Variants in NOPCHAP1 observed in about 807,000 individuals in gnomAD.
NOPCHAP1 encodes the protein DNA damage-sensitive RNA 1.
In NOPCHAP1, 13 loss-of-function variants were observed where a neutral mutation model predicts 14.0. The observed-to-expected ratio is 0.93, with a 90% CI of 0.60 to 1.47. The LOEUF is 1.47. Ranked by LOEUF, NOPCHAP1 falls within the 40% of genes most tolerant of loss-of-function variation. The pLI is 0.00. For missense variants in NOPCHAP1, 230 were observed against 226.9 expected (o/e 1.01, Z -0.09); for synonymous variants, 78 against 78.4 (o/e 1.00, Z 0.03).
intron 2 of NOPCHAP1, among the ~76,000 whole-genome samples, chr12:104,990,001 A>T (rs1873337162): frequency 6.6e-6 from 1 of 152,150 alleles, no homozygotes. Context: ...CCTTGAACAT[A>T]CAAAGTATAT....
rs946162275 is a variant in NOPCHAP1, at chr12:104,988,028, G to C, written c.116-139G>C. On this transcript the variant is annotated intron_variant, in intron 1 of 3. Transcript: ENST00000552951. ...AATTAAAATGTTGTAATGGAGCTTG[G>C]AGTTCTCCTTTAAAAAAAAAATTTT... 7.3e-6 allele frequency: 4 copies of C among 551,066 alleles called. No individual in the cohort carries two copies. In the African/African-American group the frequency reaches 7.5e-5, roughly 10 times the overall value. 34.1% of individuals were successfully genotyped at this position (551,066 alleles called of 1,614,324 possible).
In NOPCHAP1 at chr12:104,989,578, C is replaced by T. The variant is rs756098061; in HGVS notation, c.202+1325C>T. 4.6e-5 allele frequency among the ~76,000 whole-genome samples: 7 copies of T among 151,968 alleles called. 1 individual carries two copies. The highest frequency in any genetic ancestry group is 8.8e-5 in the Non-Finnish European group (6 of 67,990). On this transcript the variant is annotated intron_variant, in intron 2 of 3. Transcript: ENST00000552951. ...GATTCCCTTCATTACTGGTTTTTAC[C>T]GATTTTATGGTGATGTGCCCTTTGT...
rs1873654077 is a variant in NOPCHAP1 at position 105,003,655 on chromosome 12, A to C, written c.*8959A>C. The C allele has an allele frequency of 6.6e-6, 1 of 152,198 alleles. No homozygotes were observed. Among genetic ancestry groups the C allele is most frequent in the African/African-American group, 2.4e-5 (1 of 41,466 alleles). 9.4% of individuals were successfully genotyped at this position (152,198 alleles called of 1,614,324 possible). A position where few individuals can be genotyped will look rare whatever the true frequency, so the allele number is the denominator to read the frequency against. Reference sequence around the variant, plus strand: ...CGCCACTTCTGACACCAAAAACTTAATTGTTAAAACCTCTAGACAAATTAA... The same window carrying C: ...CGCCACTTCTGACACCAAAAACTTACTTGTTAAAACCTCTAGACAAATTAA... On this transcript the variant is annotated 3_prime_UTR_variant, in exon 4 of 4. Transcript: ENST00000552951.
At position 104,999,227 on chromosome 12, in the gene NOPCHAP1, G is replaced by A. The variant is rs775685576; in HGVS notation, c.*4531G>A. 5 of 152,486 alleles carry A rather than the reference G, an allele frequency of 3.3e-5. No individual in the cohort carries two copies. The highest frequency in any genetic ancestry group is 6.5e-5 in the Admixed American group (1 of 15,286). 9.4% of individuals were successfully genotyped at this position (152,486 alleles called of 1,614,324 possible). A position where few individuals can be genotyped will look rare whatever the true frequency, so the allele number is the denominator to read the frequency against. On this transcript the variant is annotated 3_prime_UTR_variant, in exon 4 of 4. Transcript: ENST00000552951. ...TACACAGGTGCTGGCAAAGTGATTCGGGGGTTGGCTGCATGCCAGCGTCTG... is the reference window on the plus strand; with the variant it reads ...TACACAGGTGCTGGCAAAGTGATTCAGGGGTTGGCTGCATGCCAGCGTCTG...
rs1035193979 is a variant in NOPCHAP1 at position 105,004,809 on chromosome 12, C to T, written c.*10113C>T. 6.6e-6 allele frequency: 1 copy of T among 152,076 alleles called. No individual in the cohort carries two copies. The highest frequency in any genetic ancestry group is 6.6e-5 in the Admixed American group (1 of 15,262). The allele number at this position is 152,076 out of a possible 1,614,324, so 9.4% of individuals were successfully genotyped here. On this transcript the variant is annotated 3_prime_UTR_variant, in exon 4 of 4. Coordinates refer to ENST00000552951, the MANE Select transcript of NOPCHAP1 (RefSeq NM_152318.3). ...AAAAATCTATGTATAACTTTTGACT[C>T]CCTGAAAACTTAACTACTAATAGCC... is the stretch of plus-strand genomic sequence containing the variant.
chr12:104,991,705 T>C lies in NOPCHAP1; in HGVS notation c.203-7T>C. 6.3e-7 allele frequency: 1 copy of C among 1,590,360 alleles called. No individual in the cohort carries two copies. The highest frequency in any genetic ancestry group is 8.5e-7 in the Non-Finnish European group (1 of 1,173,834). The stretch of plus-strand genomic sequence containing the variant: ...AAATGTTGATATGCTGTATTTACTT[T>C]CCACAGTATTGGACCAGGTACAGAC... On this transcript the variant is annotated splice_region_variant and splice_polypyrimidine_tract_variant and intron_variant, in intron 2 of 3. Transcript: ENST00000552951.
chr12:104,991,716 G>A lies in NOPCHAP1; in HGVS notation c.207G>A (p.Leu69=). 6.2e-7 allele frequency: 1 copy of A among 1,608,122 alleles called. No homozygotes were observed. The change falls in exon 3 of 4, where the codon TTG becomes TTA. Residue 69 remains leucine (L), a synonymous_variant. Transcript: ENST00000552951. ...TGCTGTATTTACTTTCCACAGTATT[G>A]GACCAGGTACAGACATTTCTCCCAC... ...QTVRIERSPL[L]DQVQTFLPQM...
intron 2 of NOPCHAP1, among the ~76,000 whole-genome samples, chr12:104,990,051 C>T (rs1046665758): frequency 3.3e-5 from 5 of 152,004 alleles, no homozygotes; most frequent in African/African-American, 7.2e-5. Context: ...CTGATTCTGT[C>T]GTCTGCATCA....
In NOPCHAP1 at chr12:104,996,147, C is replaced by A. The variant is rs1281005770; in HGVS notation, c.*1451C>A. 1 of 152,056 alleles carries A rather than the reference C, an allele frequency of 6.6e-6. No homozygotes were observed. Among genetic ancestry groups the A allele is most frequent in the African/African-American group, 2.4e-5 (1 of 41,394 alleles). 9.4% of individuals were successfully genotyped at this position (152,056 alleles called of 1,614,324 possible). A position where few individuals can be genotyped will look rare whatever the true frequency, so the allele number is the denominator to read the frequency against. ...ACCATGCCAAATAGCAAGATCCTAA[C>A]CAGTGGGGAGCAAAATGGAGTAAGC... is the stretch of plus-strand genomic sequence containing the variant. On this transcript the variant is annotated 3_prime_UTR_variant, in exon 4 of 4. Coordinates refer to ENST00000552951, the MANE Select transcript of NOPCHAP1 (RefSeq NM_152318.3).
chr12:105,004,932 CGGAAAAGAAAA>C lies in NOPCHAP1; in HGVS notation c.*10237_*10247del, dbSNP rs1555222468. 7.9e-5 allele frequency: 12 copies of C among 151,936 alleles called. No individual in the cohort carries two copies. Among genetic ancestry groups the C allele is most frequent in the Non-Finnish European group, 1.8e-4 (12 of 67,998 alleles). The allele number at this position is 151,936 out of a possible 1,614,324, so 9.4% of individuals were successfully genotyped here. ...TGTATTTTTACAATAAAGTAAGCTA[CGGAAAAGAAAA>C]TATCACTAAGGAAATCAGGAAGAGA... On this transcript the variant is annotated 3_prime_UTR_variant, in exon 4 of 4. Coordinates refer to ENST00000552951, the MANE Select transcript of NOPCHAP1 (RefSeq NM_152318.3).
At chr12:104,991,158 C>T (rs1048209869) in intron 2 of NOPCHAP1, among the ~76,000 whole-genome samples, 1 of 152,146 alleles carries the variant, frequency 6.6e-6, no homozygotes, top group African/African-American at 2.4e-5. Context: ...CACTGTGATG[C>T]CACTAAAGCA....
chr12:104,997,775 A>G lies in NOPCHAP1; in HGVS notation c.*3079A>G, dbSNP rs1873527079. The G allele has an allele frequency of 6.6e-6, 1 of 152,182 alleles. No homozygotes were observed. 9.4% of individuals were successfully genotyped at this position (152,182 alleles called of 1,614,324 possible). A position where few individuals can be genotyped will look rare whatever the true frequency, so the allele number is the denominator to read the frequency against. On this transcript the variant is annotated 3_prime_UTR_variant, in exon 4 of 4. Coordinates refer to ENST00000552951, the MANE Select transcript of NOPCHAP1 (RefSeq NM_152318.3). Reference sequence around the variant, plus strand: ...TAGCAAGGTTGGGGAAGTTTTCATCAGCGATATCCTGAAATATGTTTTCAA... The same window carrying G: ...TAGCAAGGTTGGGGAAGTTTTCATCGGCGATATCCTGAAATATGTTTTCAA...
intron 2 of NOPCHAP1, among the ~76,000 whole-genome samples, chr12:104,990,200 C>T (rs562798578): frequency 1.3e-5 from 2 of 152,228 alleles, no homozygotes; most frequent in East Asian, 1.9e-4. Context: ...AGAAGAACCA[C>T]GACTGGACTA....
chr12:104,991,833 T>G lies in NOPCHAP1; in HGVS notation c.324T>G (p.Ser108Arg). The change falls in exon 3 of 4, where the codon AGT becomes AGG. Residue 108 changes from serine (S) to arginine (R), a missense_variant. Ser to Arg is a moderately radical substitution (Grantham distance 110, BLOSUM62 -1). Coordinates refer to ENST00000552951, the MANE Select transcript of NOPCHAP1 (RefSeq NM_152318.3). ...FNIENIDGPH[S>R]KVIQMDVALF... ...TTGAAAACATTGATGGGCCTCATAG[T>G]AAAGTTATACAAATGGTAACTATGC... 1 of 1,609,954 alleles carries G rather than the reference T, an allele frequency of 6.2e-7. No homozygotes were observed. Among genetic ancestry groups the G allele is most frequent in the Non-Finnish European group, 8.5e-7 (1 of 1,178,942 alleles).
chr12:105,017,061 T>G lies in NOPCHAP1; in HGVS notation c.*22365T>G, dbSNP rs981402481. 1 of 152,212 alleles carries G rather than the reference T, an allele frequency of 6.6e-6. No individual in the cohort carries two copies. The highest frequency in any genetic ancestry group is 2.4e-5 in the African/African-American group (1 of 41,454). The allele number at this position is 152,212 out of a possible 1,614,324, so 9.4% of individuals were successfully genotyped here. ...AGATCCGAAAATTAGGTGTAATGGCTTTTGAAGCAAAAATCTCATTCTGAA... is the reference window on the plus strand; with the variant it reads ...AGATCCGAAAATTAGGTGTAATGGCGTTTGAAGCAAAAATCTCATTCTGAA... On this transcript the variant is annotated 3_prime_UTR_variant, in exon 4 of 4. Coordinates refer to ENST00000552951, the MANE Select transcript of NOPCHAP1 (RefSeq NM_152318.3).
intron 3 of NOPCHAP1, among the ~76,000 whole-genome samples, chr12:104,992,085 C>T (rs951191468): frequency 4.6e-5 from 7 of 152,070 alleles, no homozygotes; most frequent in African/African-American, 9.7e-5. Context: ...TTAATTTACT[C>T]GATGTCCTAA....
chr12:104,999,024 T>C lies in NOPCHAP1; in HGVS notation c.*4328T>C, dbSNP rs1003774685. 1 of 152,790 alleles carries C rather than the reference T, an allele frequency of 6.5e-6. No individual in the cohort carries two copies. Among genetic ancestry groups the C allele is most frequent in the Non-Finnish European group, 1.5e-5 (1 of 68,552 alleles). The allele number at this position is 152,790 out of a possible 1,614,324, so 9.5% of individuals were successfully genotyped here. On this transcript the variant is annotated 3_prime_UTR_variant, in exon 4 of 4. Coordinates refer to ENST00000552951, the MANE Select transcript of NOPCHAP1 (RefSeq NM_152318.3). ...GGTCCACTGGTCACTGTGCCTAGTT[T>C]TGCAGCTGGTGGCAGTGTTGGTGTC...
Position 104,998,056 on chromosome 12 carries a change from C to A in NOPCHAP1, c.*3360C>A, listed in dbSNP as rs188790979. ...TCAGCTCTGTCAGATCGGTTTAGTT[C>A]TCTCTTATAATGGCCGTTTTGTTTA... On this transcript the variant is annotated 3_prime_UTR_variant, in exon 4 of 4. Coordinates refer to ENST00000552951, the MANE Select transcript of NOPCHAP1 (RefSeq NM_152318.3). 6.6e-6 allele frequency: 1 copy of A among 152,212 alleles called. No individual in the cohort carries two copies. The highest frequency in any genetic ancestry group is 1.9e-4 in the East Asian group (1 of 5,184). 9.4% of individuals were successfully genotyped at this position (152,212 alleles called of 1,614,324 possible).
In NOPCHAP1 at chr12:105,003,363, G is replaced by A. The variant is rs1157677823; in HGVS notation, c.*8667G>A. 5.9e-5 allele frequency: 9 copies of A among 152,180 alleles called. No homozygotes were observed. The highest frequency in any genetic ancestry group is 2.2e-4 in the African/African-American group (9 of 41,432). 9.4% of individuals were successfully genotyped at this position (152,180 alleles called of 1,614,324 possible). On this transcript the variant is annotated 3_prime_UTR_variant, in exon 4 of 4. Transcript: ENST00000552951. Reference sequence around the variant, plus strand: ...CAGATGGAGGAGTTCTAGACTCCATGGATCCAGATGAACTCATGATTCCCT... The same window carrying A: ...CAGATGGAGGAGTTCTAGACTCCATAGATCCAGATGAACTCATGATTCCCT...
Sources: gnomAD v4.1 joint callset for allele counts (sites outside exome capture counted in the v4.1 genomes callset) on GRCh38, gnomAD v4.1.1 for gene constraint, MANE v1.5 for transcripts, NCBI Gene and HGNC (gene_info 2026-07-23, HGNC 2026-07-21) for gene names.